Variants in ACBD6 observed in about 807,000 individuals in gnomAD.
The protein encoded by ACBD6 is acyl-CoA-binding domain-containing protein 6.
Under a neutral mutation model 37.2 loss-of-function variants are expected in ACBD6, and 28 were observed. The observed-to-expected ratio is 0.75, with a 90% CI of 0.56 to 1.03. The LOEUF (loss-of-function observed/expected upper bound fraction) is 1.03, where lower values mean the gene tolerates loss of function less well. Ranked by LOEUF, ACBD6 falls within the 50% of genes least tolerant of loss-of-function variation. ACBD6 has a pLI of 0.00. For missense variants in ACBD6, 340 were observed against 337.4 expected, an observed-to-expected ratio of 1.01 and a Z score of -0.06; for synonymous variants, 113 against 126.8, an observed-to-expected ratio of 0.89 and a Z score of 0.73.
At chr1:180,401,999 T>C (rs1285547121) in intron 5 of ACBD6, among the ~76,000 whole-genome samples, 1 of 152,158 alleles carries the variant, frequency 6.6e-6, no homozygotes, top group Non-Finnish European at 1.5e-5. Flanking sequence ...GTATATGGTA[T>C]GGTACTGTCT....
intron 3 of ACBD6, among the ~76,000 whole-genome samples, chr1:180,447,167 A>AC (rs1649506694): frequency 6.6e-6 from 1 of 152,176 alleles, no homozygotes; most frequent in Non-Finnish European, 1.5e-5. Flanking sequence ...AATGATATGA[A>AC]CAAGTATTTT....
At chr1:180,271,348 C>G (rs372050363) in exon 14 of ACBD6, 14 of 1,613,724 alleles carry the variant, frequency 8.7e-6, no homozygotes, top group Non-Finnish European at 1.0e-5. Context: ...GCAGATAGGC[C>G]GAAGCCAGTA....
intron 1 of ACBD6, among the ~76,000 whole-genome samples, chr1:180,496,387 A>G (rs1651739554): frequency 6.6e-6 from 1 of 152,112 alleles, no homozygotes. Flanking sequence ...TTTCTATTAG[A>G]ATAGAGCCTG....
intron 7 of ACBD6, among the ~76,000 whole-genome samples, chr1:180,301,662 G>T (rs1359022932): frequency 6.6e-6 from 1 of 151,990 alleles, no homozygotes; most frequent in African/African-American, 2.4e-5. Context: ...ATCACTAGTG[G>T]CATTTTGTAT....
intron 4 of ACBD6, among the ~76,000 whole-genome samples, chr1:180,416,959 A>G (rs189099510): frequency 2.0e-5 from 3 of 152,348 alleles, no homozygotes; most frequent in East Asian, 3.9e-4. Context: ...AATTCAATTC[A>G]TGTATTTACT....
chr1:180,295,509 T>G (rs1199994867), intron 7 of ACBD6, among the ~76,000 whole-genome samples: 2 of 91,116 alleles, frequency 2.2e-5, no homozygotes, highest in Admixed American at 1.2e-4. Context: ...GCATCACAGA[T>G]AATGCATTTT....
chr1:180,332,846 T>A (rs982729505), intron 6 of ACBD6, among the ~76,000 whole-genome samples: 1 of 152,202 alleles, frequency 6.6e-6, no homozygotes, highest in Non-Finnish European at 1.5e-5. Flanking sequence ...TGGGGACCAC[T>A]GAGTTAGATA....
intron 7 of ACBD6, among the ~76,000 whole-genome samples, chr1:180,306,397 T>C (rs1650375396): frequency 6.6e-6 from 1 of 152,150 alleles, no homozygotes; most frequent in Admixed American, 6.5e-5. Flanking sequence ...AACTAGCACA[T>C]ATCAACAATC....
intron 3 of ACBD6, among the ~76,000 whole-genome samples, chr1:180,430,643 C>A (rs1648775055): frequency 6.7e-6 from 1 of 150,006 alleles, no homozygotes; most frequent in Non-Finnish European, 1.5e-5. Flanking sequence ...TAAAAGTTCC[C>A]AAATAAGAAG....
chr1:180,440,608 T>A (rs10798766), intron 3 of ACBD6, among the ~76,000 whole-genome samples: 70,957 of 147,214 alleles, frequency 0.48, 19,700 homozygotes, highest in South Asian at 0.65. Context: ...CCCATTCCCC[T>A]CTCCCCCAAA....
At chr1:180,462,296 G>T (rs755642931) in intron 3 of ACBD6, among the ~76,000 whole-genome samples, 1 of 152,110 alleles carries the variant, frequency 6.6e-6, no homozygotes, top group Non-Finnish European at 1.5e-5. Context: ...AGTGTGGCAA[G>T]CTGGATAAAG....
chr1:180,427,158 G>A (rs991053216), intron 4 of ACBD6, among the ~76,000 whole-genome samples: 39 of 152,054 alleles, frequency 2.6e-4, no homozygotes, highest in African/African-American at 8.0e-4. Context: ...ATACACATTC[G>A]TCAGAAAAGC....
chr1:180,422,382 T>C (rs1648405435), intron 4 of ACBD6, among the ~76,000 whole-genome samples: 1 of 152,202 alleles, frequency 6.6e-6, no homozygotes, highest in Non-Finnish European at 1.5e-5. Context: ...ATTTTTGTAT[T>C]TTTTGCAGAG....
intron 6 of ACBD6, among the ~76,000 whole-genome samples, chr1:180,350,373 G>A (rs1652362531): frequency 6.6e-6 from 1 of 151,980 alleles, no homozygotes; most frequent in African/African-American, 2.4e-5. Context: ...TTCACTCAAT[G>A]TGTTAAGAGA....
At chr1:180,433,288 C>A (rs1002583939) in intron 3 of ACBD6, among the ~76,000 whole-genome samples, 1 of 152,020 alleles carries the variant, frequency 6.6e-6, no homozygotes, top group Non-Finnish European at 1.5e-5. Context: ...AAGGACAAAA[C>A]CCACATGATC....
rs550154357 is a variant in ACBD6 at position 180,370,724 on chromosome 1, CTTAG to C, written c.663+26788_663+26791del. On this transcript the variant is annotated intron_variant, in intron 6 of 7. Coordinates refer to ENST00000367595, the MANE Select transcript of ACBD6 (RefSeq NM_032360.4). ...GGTTGCTTGTCTAAATTTTAAATTA[CTTAG>C]TTATACATTTTCTACTATGCTTTCT... Among the ~76,000 whole-genome samples, 791 of 152,102 alleles carry C rather than the reference CTTAG, an allele frequency of 5.2e-3. 4 individuals carry two copies. Among genetic ancestry groups the C allele is most frequent in the African/African-American group, 0.018 (731 of 41,520 alleles).
chr1:180,361,052 T>C (rs920048641), intron 6 of ACBD6, among the ~76,000 whole-genome samples: 3 of 152,122 alleles, frequency 2.0e-5, no homozygotes, highest in African/African-American at 4.8e-5. Flanking sequence ...ATCAAGGAAA[T>C]TGGATTGTCC....
intron 6 of ACBD6, among the ~76,000 whole-genome samples, chr1:180,359,014 T>A (rs12060290): frequency 1.4e-4 from 22 of 152,038 alleles, no homozygotes; most frequent in African/African-American, 5.1e-4. Flanking sequence ...TTGCTGAGGA[T>A]AAAAAAAAGA....
intron 3 of ACBD6, among the ~76,000 whole-genome samples, chr1:180,434,545 T>C (rs1224827064): frequency 3.3e-5 from 5 of 152,210 alleles, no homozygotes; most frequent in Admixed American, 1.3e-4. Flanking sequence ...TTCATCTATA[T>C]AGTAAGAACC....
Sources: allele counts gnomAD v4.1 joint callset (sites outside exome capture counted in the v4.1 genomes callset), GRCh38; gene constraint gnomAD v4.1.1; transcripts MANE v1.5; gene names NCBI Gene and HGNC (gene_info 2026-07-23, HGNC 2026-07-21).